ANKAR: variants seen among roughly 807,000 people sequenced by gnomAD.
ANKAR encodes ankyrin and armadillo repeat-containing protein.
A neutral mutation model predicts 146.2 loss-of-function variants in ANKAR; 136 were observed. The observed-to-expected ratio is 0.93, with a 90% CI of 0.81 to 1.07. The LOEUF (loss-of-function observed/expected upper bound fraction) is 1.07, where lower values mean the gene tolerates loss of function less well. Ranked by LOEUF, ANKAR falls within the 50% of genes least tolerant of loss-of-function variation. The pLI, the probability that ANKAR is intolerant of heterozygous loss-of-function variation, is 0.00. For missense variants in ANKAR, 1,567 were observed against 1,679.9 expected (o/e 0.93, Z 1.18); for synonymous variants, 500 against 575.8 (o/e 0.87, Z 1.88).
intron 22 of ANKAR, among the ~76,000 whole-genome samples, chr2:189,746,043 C>T (rs145154082): frequency 1.8e-3 from 281 of 152,242 alleles, no homozygotes; most frequent in African/African-American, 6.3e-3. Flanking sequence ...CAAGGTAGCA[C>T]GTTTCTGATA....
intron 7 of ANKAR, among the ~76,000 whole-genome samples, chr2:189,702,007 C>T (rs532849200): frequency 9.2e-5 from 14 of 152,064 alleles, no homozygotes; most frequent in Non-Finnish European, 1.5e-4. Context: ...GAGCCTGCGT[C>T]CCTGTACTTT....
At chr2:189,712,470 A>C (rs1267420468) in intron 10 of ANKAR, among the ~76,000 whole-genome samples, 1 of 151,924 alleles carries the variant, frequency 6.6e-6, no homozygotes, top group Admixed American at 6.5e-5. Context: ...GGTGATTTCT[A>C]GGCAAACAGG....
intron 5 of ANKAR, among the ~76,000 whole-genome samples, chr2:189,694,089 G>C (rs895660942): frequency 6.6e-6 from 1 of 151,942 alleles, no homozygotes; most frequent in Non-Finnish European, 1.5e-5. Flanking sequence ...AGCTAGCCAG[G>C]CTAGGTGGCA....
At chr2:189,678,756 C>T (rs115244607) in intron 2 of ANKAR, among the ~76,000 whole-genome samples, 12 of 152,060 alleles carry the variant, frequency 7.9e-5, no homozygotes, top group Non-Finnish European at 1.2e-4. Flanking sequence ...TTTATTTCCG[C>T]GTTCTCTATT....
intron 18 of ANKAR, among the ~76,000 whole-genome samples, chr2:189,756,763 T>A (rs963374513): frequency 1.3e-4 from 20 of 152,194 alleles, no homozygotes; most frequent in African/African-American, 4.8e-4. Context: ...CATCTCAGTC[T>A]GTTCAACAGT....
In ANKAR at chr2:189,711,118, CA is replaced by C; in HGVS notation, c.2192del (p.Asn731MetfsTer17). On this transcript the variant is annotated frameshift_variant, in exon 10 of 23. Transcript: ENST00000684021. LOFTEE classifies it high-confidence loss of function. ...AVMSLEVICL[A>X]NDQYWRCILD... ...ATGTCCTTGGAAGTAATTTGCTTAG[CA>C]AATGATCAATACTGGAGATGTATTT... The C allele has an allele frequency of 6.2e-7, 1 of 1,613,954 alleles. No homozygotes were observed. Among genetic ancestry groups the C allele is most frequent in the African/African-American group, 1.3e-5 (1 of 75,042 alleles).
rs1559139197 is a variant in ANKAR, at chr2:189,736,505, TGTGTG to T, written c.3424-1177_3424-1173del. Among the ~76,000 whole-genome samples the T allele has an allele frequency of 1.1e-3, 147 of 138,424 alleles. 21 individuals are homozygous for T. Among genetic ancestry groups the T allele is most frequent in the Admixed American group, 0.01 (138 of 13,442 alleles). 90.8% of individuals were successfully genotyped at this position (138,424 alleles called of 152,430 possible). On this transcript the variant is annotated intron_variant, in intron 17 of 22. Coordinates refer to ENST00000684021, the MANE Select transcript of ANKAR (RefSeq NM_001378068.1). Reference sequence around the variant, plus strand: ...TGCCTATTTAGGTGACTGGGTTTTGTGTGTGTGTGTGTGTGTGTGTGTGTGTGTGT... The same window carrying T: ...TGCCTATTTAGGTGACTGGGTTTTGTTGTGTGTGTGTGTGTGTGTGTGTGT...
intron 17 of ANKAR, among the ~76,000 whole-genome samples, chr2:189,736,489 A>T (rs1250003126): frequency 1.8e-4 from 13 of 72,378 alleles, no homozygotes; most frequent in South Asian, 5.0e-4. Flanking sequence ...TTGCCTATTT[A>T]GGTGACTGGG....
chr2:189,725,918 A>G (rs1225083), intron 12 of ANKAR, among the ~76,000 whole-genome samples: 2,781 of 152,266 alleles, frequency 0.018, 98 homozygotes, highest in African/African-American at 0.063. Flanking sequence ...AAAAAAGAAA[A>G]GAAAAGAAAA....
intron 2 of ANKAR, among the ~76,000 whole-genome samples, chr2:189,687,588 T>C (rs1358860582): frequency 6.6e-6 from 1 of 152,170 alleles, no homozygotes; most frequent in Non-Finnish European, 1.5e-5. Context: ...AACAGTGTAC[T>C]AGGGTTCCCT....
At chr2:189,713,973 G>A (rs1013265903) in intron 10 of ANKAR, among the ~76,000 whole-genome samples, 1 of 152,118 alleles carries the variant, frequency 6.6e-6, no homozygotes, top group African/African-American at 2.4e-5. Flanking sequence ...CCTAGTCTCT[G>A]ATAAAACAGA....
At position 189,706,966 on chromosome 2, in the gene ANKAR, G is replaced by A. The variant is rs73979029; in HGVS notation, c.1939G>A (p.Ala647Thr). ...ENQCTPLLLA[A>T]TSGALDTIQY... ...TCAGTGCACTCCACTGTTACTTGCT[G>A]CCACTTCAGGAGCACTGGACACTAT... The change falls in exon 9 of 23, where the codon GCC (alanine) becomes ACC (threonine). Residue 647 changes from alanine to threonine, a missense_variant. Transcript: ENST00000684021. 1.8e-4 allele frequency: 290 copies of A among 1,612,472 alleles called. 1 individual carries two copies. In the African/African-American group the frequency reaches 3.4e-3, roughly 19 times the overall value.
At position 189,743,481 on chromosome 2, in the gene ANKAR, TC is replaced by T; in HGVS notation, c.4010+9del. ...TGGGACTTCCTTCCTTAAGGTATGG[TC>T]CTATGTTAGAAGTTGCAGTAGTGAA... On this transcript the variant is annotated splice_region_variant and intron_variant, in intron 21 of 22. Transcript: ENST00000684021. 6.2e-7 allele frequency: 1 copy of T among 1,610,786 alleles called. No individual in the cohort carries two copies. Among genetic ancestry groups the T allele is most frequent in the Non-Finnish European group, 8.5e-7 (1 of 1,177,866 alleles).
chr2:189,719,948 G>T (rs557913540), intron 11 of ANKAR, 135 bp downstream of exon 11: 4 of 1,018,522 alleles, frequency 3.9e-6, no homozygotes, highest in Middle Eastern at 3.4e-4. Flanking sequence ...AGGGAGAGAG[G>T]GTGCCTGATG....
At chr2:189,694,439 CAG>C (rs1391916404) in intron 5 of ANKAR, among the ~76,000 whole-genome samples, 1 of 152,100 alleles carries the variant, frequency 6.6e-6, no homozygotes, top group Non-Finnish European at 1.5e-5. Context: ...ACCCAGGGAA[CAG>C]AGTTACTCAA....
chr2:189,739,347 A>G (rs1297967067), intron 19 of ANKAR, among the ~76,000 whole-genome samples: 11 of 152,332 alleles, frequency 7.2e-5, no homozygotes, highest in Non-Finnish European at 7.3e-5. Context: ...ATGTATCACT[A>G]AAGGAAACTT....
At chr2:189,754,433 A>G in intron 18 of ANKAR, 1 of 1,197,422 alleles carries the variant, frequency 8.4e-7, no homozygotes. Context: ...AATTACTAAC[A>G]AAACAAAAAA....
At chr2:189,680,422 T>G (rs1042330642) in intron 2 of ANKAR, among the ~76,000 whole-genome samples, 1 of 152,138 alleles carries the variant, frequency 6.6e-6, no homozygotes, top group Non-Finnish European at 1.5e-5. Flanking sequence ...CATTGTTTTC[T>G]TCTTTCAATT....
chr2:189,749,557 C>T (rs1411417632), downstream of ANKAR, among the ~76,000 whole-genome samples: 1 of 151,198 alleles, frequency 6.6e-6, no homozygotes, highest in Admixed American at 6.6e-5. Flanking sequence ...AAAAAAAATC[C>T]AAAAAAACTC....
Sources: allele counts gnomAD v4.1 joint callset (sites outside exome capture counted in the v4.1 genomes callset), GRCh38; gene constraint gnomAD v4.1.1; transcripts MANE v1.5; gene names NCBI Gene and HGNC (gene_info 2026-07-23, HGNC 2026-07-21).